Variants in SLC38A4 observed in about 807,000 individuals in gnomAD.
SLC38A4 encodes sodium-coupled neutral amino acid transporter 4.
Under a neutral mutation model 63.1 loss-of-function variants are expected in SLC38A4, and 20 were observed. That is an observed-to-expected ratio of 0.32 (90% confidence interval 0.22 to 0.46). The LOEUF is 0.46. SLC38A4 is among the 20% of genes least tolerant of loss of function. The probability of loss-of-function intolerance (pLI) is 1.00; values close to 1 mark genes in which losing one functional copy is unlikely to be tolerated. For missense variants in SLC38A4, 526 were observed against 663.6 expected (o/e 0.79, Z 2.28); for synonymous variants, 230 against 225.5 (o/e 1.02, Z -0.18).
chr12:46,809,372 G>A (rs1182074687), intron 1 of SLC38A4, among the ~76,000 whole-genome samples: 1 of 152,090 alleles, frequency 6.6e-6, no homozygotes, highest in Non-Finnish European at 1.5e-5. Flanking sequence ...AGAAATAATA[G>A]TGTCATCGAC....
upstream of SLC38A4, among the ~76,000 whole-genome samples, chr12:46,828,141 A>G (rs1312125214): frequency 2.0e-5 from 3 of 152,044 alleles, no homozygotes; most frequent in Non-Finnish European, 4.4e-5. Flanking sequence ...CTCTCCACTG[A>G]GAGTCCTTTC....
In SLC38A4 at chr12:46,793,084, C is replaced by T. The variant is rs999243730; in HGVS notation, c.-13G>A. ...CCATGGGATCCATTTGAGCTGTCAGCGCTTTCTTGTCCACACACAAGCCCC... is the reference window on the plus strand; with the variant it reads ...CCATGGGATCCATTTGAGCTGTCAGTGCTTTCTTGTCCACACACAAGCCCC... On this transcript the variant is annotated 5_prime_UTR_variant, in exon 3 of 17. Transcript: ENST00000266579. The T allele has an allele frequency of 8.8e-6, 14 of 1,592,254 alleles. 1 individual carries two copies. Among genetic ancestry groups the T allele is most frequent in the South Asian group, 4.4e-5 (4 of 90,694 alleles).
intron 14 of SLC38A4, among the ~76,000 whole-genome samples, chr12:46,773,508 A>G (rs1339558982): frequency 6.6e-6 from 1 of 152,216 alleles, no homozygotes; most frequent in Admixed American, 6.5e-5. Context: ...TCTGGTTCTT[A>G]TGGTCAATTT....
chr12:46,768,329 C>T lies in SLC38A4; in HGVS notation c.1523G>A (p.Arg508Lys). The change falls in exon 16 of 17, where the codon AGG (arginine) becomes AAG (lysine). Residue 508 changes from arginine to lysine, a missense_variant. Physicochemically the swap from Arg to Lys is conservative, Grantham distance 26 (BLOSUM62 2). Transcript: ENST00000266579. Reference protein sequence around the residue: ...YLKLVKKETFRSPQKVGALIF... With the variant: ...YLKLVKKETFKSPQKVGALIF... ...ACTTACCCCGACCTTTTGGGGTGAC[C>T]TAAAAGTTTCTTTCTTGACAAGTTT... 1.2e-6 allele frequency: 2 copies of T among 1,610,782 alleles called. No individual in the cohort carries two copies. The highest frequency in any genetic ancestry group is 1.7e-6 in the Non-Finnish European group (2 of 1,178,086).
intron 13 of SLC38A4, 116 bp downstream of exon 13, chr12:46,776,788 T>C: frequency 1.3e-6 from 1 of 790,614 alleles, no homozygotes; most frequent in Non-Finnish European, 2.2e-6. Flanking sequence ...TAATTGAATA[T>C]GTGTCATCTA....
chr12:46,784,380 G>A (rs1938714394), intron 7 of SLC38A4, among the ~76,000 whole-genome samples, 162 bp downstream of exon 7: 1 of 152,026 alleles, frequency 6.6e-6, no homozygotes, highest in Non-Finnish European at 1.5e-5. Context: ...TTTAATTAAA[G>A]CAGGACACAA....
chr12:46,821,039 G>A (rs910606952), intron 1 of SLC38A4, among the ~76,000 whole-genome samples: 7 of 151,836 alleles, frequency 4.6e-5, no homozygotes, highest in African/African-American at 1.7e-4. Flanking sequence ...TTATGTAGGT[G>A]TTCCTTATAT....
intron 1 of SLC38A4, among the ~76,000 whole-genome samples, chr12:46,815,231 T>G (rs1939413961): frequency 7.3e-6 from 1 of 136,566 alleles, no homozygotes. Flanking sequence ...GGATTATAAA[T>G]GGCTAAAGGA....
chr12:46,791,998 G>C (rs1384613807), intron 3 of SLC38A4, among the ~76,000 whole-genome samples: 1 of 152,076 alleles, frequency 6.6e-6, no homozygotes, highest in African/African-American at 2.4e-5. Flanking sequence ...AGATCACAAA[G>C]GACCTTACGT....
chr12:46,778,256 C>A, intron 12 of SLC38A4, 33 bp downstream of exon 12: 1 of 1,601,654 alleles, frequency 6.2e-7, no homozygotes, highest in Non-Finnish European at 8.5e-7. Context: ...AATTTCAAAG[C>A]AAATTAGAAT....
intron 10 of SLC38A4, among the ~76,000 whole-genome samples, chr12:46,779,136 A>C (rs1938588405): frequency 6.6e-6 from 1 of 151,894 alleles, no homozygotes; most frequent in African/African-American, 2.4e-5. Context: ...ATGCTTTATA[A>C]ATTTTGGCAT....
rs1452623050 is a variant in SLC38A4 at position 46,803,812 on chromosome 12, G to T, written c.-304-18C>A. ...CGTCAGCTCTTGAAAAAAAAAAAAA[G>T]AGAAGCTAAGTCAGTTTACTGTTGT... is the stretch of plus-strand genomic sequence containing the variant. On this transcript the variant is annotated intron_variant, in intron 1 of 16. Coordinates refer to ENST00000266579, the MANE Select transcript of SLC38A4 (RefSeq NM_018018.5). 3 of 149,238 alleles carry T rather than the reference G, an allele frequency of 2.0e-5. No individual in the cohort carries two copies. Among genetic ancestry groups the T allele is most frequent in the Admixed American group, 6.7e-5 (1 of 14,918 alleles). The allele number at this position is 149,238 out of a possible 1,614,324, so 9.2% of individuals were successfully genotyped here.
intron 2 of SLC38A4, among the ~76,000 whole-genome samples, chr12:46,794,330 G>A (rs980679817): frequency 6.6e-6 from 1 of 152,056 alleles, no homozygotes; most frequent in Admixed American, 6.6e-5. Context: ...TCACTAGCAA[G>A]AGTGCCAGTA....
intron 1 of SLC38A4, among the ~76,000 whole-genome samples, chr12:46,815,240 GATATATAT>G (rs56368111): frequency 0.081 from 7,273 of 89,322 alleles, 352 homozygotes; most frequent in African/African-American, 0.13. Flanking sequence ...ATGGCTAAAG[GATATATAT>G]ATATATATAT....
intron 1 of SLC38A4, among the ~76,000 whole-genome samples, chr12:46,817,189 T>C (rs1217365988): frequency 6.6e-6 from 1 of 151,912 alleles, no homozygotes; most frequent in East Asian, 1.9e-4. Flanking sequence ...AGTTCCCACC[T>C]TTTGCTCACT....
At chr12:46,770,301 T>A in intron 14 of SLC38A4, among the ~76,000 whole-genome samples, 1 of 143,708 alleles carries the variant, frequency 7.0e-6, no homozygotes, top group East Asian at 1.9e-4. Context: ...TAAAATAAAA[T>A]TTTAAAATGG....
rs769163925 is a variant in SLC38A4, at chr12:46,778,324, G to C, written c.1038C>G (p.His346Gln). 1.2e-6 allele frequency: 2 copies of C among 1,612,672 alleles called. No individual in the cohort carries two copies. The highest frequency in any genetic ancestry group is 1.7e-6 in the Non-Finnish European group (2 of 1,179,160). Residue 346 changes from histidine to glutamine, a missense_variant, in exon 12 of 17, where the codon CAC (histidine) becomes CAG (glutamine). Coordinates refer to ENST00000266579, the MANE Select transcript of SLC38A4 (RefSeq NM_018018.5). Reference sequence around the variant, plus strand: ...CACTGTAGATGGGAAGGACCTCAGGGTGGCATACAAAAGCAAATACTAGGA... The same window carrying C: ...CACTGTAGATGGGAAGGACCTCAGGCTGGCATACAAAAGCAAATACTAGGA... Reference protein sequence around the residue: ...IPILVFAFVCHPEVLPIYSEL... With the variant: ...IPILVFAFVCQPEVLPIYSEL...
At chr12:46,776,425 A>G (rs571214811) in intron 13 of SLC38A4, among the ~76,000 whole-genome samples, 1 of 152,142 alleles carries the variant, frequency 6.6e-6, no homozygotes, top group South Asian at 2.1e-4. Flanking sequence ...ATAGAATGGG[A>G]TATGTCAGAA....
intron 14 of SLC38A4, among the ~76,000 whole-genome samples, chr12:46,771,938 G>A (rs1168498953): frequency 6.6e-6 from 1 of 151,908 alleles, no homozygotes; most frequent in Non-Finnish European, 1.5e-5. Context: ...GAGGTCCCCA[G>A]CACCATCCAG....
Sources: allele counts gnomAD v4.1 joint callset (sites outside exome capture counted in the v4.1 genomes callset), GRCh38; gene constraint gnomAD v4.1.1; transcripts MANE v1.5; gene names NCBI Gene and HGNC (gene_info 2026-07-23, HGNC 2026-07-21).